NDUFS1: variants seen among roughly 807,000 people sequenced by gnomAD.
NDUFS1 encodes NADH-ubiquinone oxidoreductase 75 kDa subunit, mitochondrial.
A neutral mutation model predicts 84.4 loss-of-function variants in NDUFS1; 61 were observed. That is an observed-to-expected ratio of 0.72 (90% CI 0.59 to 0.89). NDUFS1 has a LOEUF of 0.89. Ranked by LOEUF, NDUFS1 falls within the 40% of genes least tolerant of loss-of-function variation. The pLI is 0.00. For synonymous variants in NDUFS1, 275 were observed against 290.0 expected (o/e 0.95, Z 0.53); for missense variants, 891 against 890.0 (o/e 1.00, Z -0.01).
rs1417574179 is a variant in NDUFS1 at position 206,115,034 on chromosome 2, C to T, written c.*9151G>A. The stretch of plus-strand genomic sequence containing the variant: ...TACAAAAAAATTTTTCAGCAGTTCC[C>T]TATTGATGGATATTTACATATTTTT... On this transcript the variant is annotated 3_prime_UTR_variant, in exon 19 of 19. Coordinates refer to ENST00000233190, the MANE Select transcript of NDUFS1 (RefSeq NM_005006.7). The T allele has an allele frequency of 6.6e-6, 1 of 152,170 alleles. No homozygotes were observed. The highest frequency in any genetic ancestry group is 1.5e-5 in the Non-Finnish European group (1 of 68,032). 9.4% of individuals were successfully genotyped at this position (152,170 alleles called of 1,614,324 possible).
At chr2:206,129,390 G>A (rs1333740476) in intron 15 of NDUFS1, among the ~76,000 whole-genome samples, 1 of 151,988 alleles carries the variant, frequency 6.6e-6, no homozygotes, top group Admixed American at 6.6e-5. Context: ...AGCCTCCTAA[G>A]TAGCTGGGAT....
Position 206,147,535 on chromosome 2 carries a change from T to G in NDUFS1, c.547A>C (p.Ile183Leu). The change falls in exon 7 of 19, where the codon ATC (isoleucine) becomes CTC (leucine). Residue 183 changes from isoleucine (I) to leucine (L), a missense_variant. Coordinates refer to ENST00000233190, the MANE Select transcript of NDUFS1 (RefSeq NM_005006.7). ...AAAAAAAGGAAAAAAAGTTACCTGA[T>G]GCAGCGAGTACACTGTATACATCTT... ...MTRCIQCTRC[I>L]RFASEIAGVD... 6.2e-7 allele frequency: 1 copy of G among 1,613,628 alleles called. No individual in the cohort carries two copies. Among genetic ancestry groups the G allele is most frequent in the Non-Finnish European group, 8.5e-7 (1 of 1,179,856 alleles).
chr2:206,124,809 A>G (rs927851373), intron 18 of NDUFS1, among the ~76,000 whole-genome samples: 1 of 152,182 alleles, frequency 6.6e-6, no homozygotes, highest in African/African-American at 2.4e-5. Context: ...ACTGCAATCT[A>G]GCCTGGGCGA....
chr2:206,158,722 C>A (rs1190180795), intron 1 of NDUFS1, among the ~76,000 whole-genome samples: 1 of 152,198 alleles, frequency 6.6e-6, no homozygotes, highest in Non-Finnish European at 1.5e-5. Flanking sequence ...GATCCAAGAC[C>A]TTACAGTTCA....
At chr2:206,152,586 T>TA in intron 2 of NDUFS1, 76 bp from the exon 3 acceptor site, 1 of 1,291,836 alleles carries the variant, frequency 7.7e-7, no homozygotes, top group South Asian at 1.2e-5. Flanking sequence ...GAATTGACTC[T>TA]AACTACAAAC....
At chr2:206,139,220 C>G (rs1410338670) in intron 12 of NDUFS1, among the ~76,000 whole-genome samples, 1 of 152,038 alleles carries the variant, frequency 6.6e-6, no homozygotes, top group Non-Finnish European at 1.5e-5. Flanking sequence ...GAGTCTCACT[C>G]TGTCACCCAG....
chr2:206,144,804 T>C, intron 9 of NDUFS1, 88 bp downstream of exon 9: 1 of 1,384,398 alleles, frequency 7.2e-7, no homozygotes, highest in Non-Finnish European at 1.0e-6. Flanking sequence ...GTAACTAATT[T>C]GCAAATATAA....
intron 14 of NDUFS1, among the ~76,000 whole-genome samples, chr2:206,131,393 T>C (rs977177786): frequency 2.0e-5 from 3 of 152,310 alleles, no homozygotes; most frequent in African/African-American, 7.2e-5. Context: ...TTACAAACAA[T>C]TTCTAGAAAA....
Position 206,126,761 on chromosome 2 carries a change from A to G in NDUFS1, c.1968T>C (p.Tyr656=), listed in dbSNP as rs1050360341. The G allele has an allele frequency of 2.5e-6, 4 of 1,614,058 alleles. No homozygotes were observed. Among genetic ancestry groups the G allele is most frequent in the East Asian group, 4.5e-5 (2 of 44,888 alleles). ...AGTAATTAGCCCCTTCAATATCATC[A>G]TATCGAACAAGATTAGGAGAGACTT... The part of the protein sequence containing the change: ...LEEVSPNLVR[Y]DDIEGANYFQ... Residue 656 remains tyrosine (Y), a synonymous_variant, in exon 17 of 19, where the codon TAT becomes TAC. Coordinates refer to ENST00000233190, the MANE Select transcript of NDUFS1 (RefSeq NM_005006.7).
At position 206,116,515 on chromosome 2, in the gene NDUFS1, G is replaced by T; in HGVS notation, c.*7670C>A. On this transcript the variant is annotated 3_prime_UTR_variant, in exon 19 of 19. Transcript: ENST00000233190. ...CGCAGCGCCATGTTCCCAGGGGTGC[G>T]GGGATGGCAGCGCTACGCCTCAGCC... 1.7e-6 allele frequency: 2 copies of T among 1,159,580 alleles called. No homozygotes were observed. Among genetic ancestry groups the T allele is most frequent in the Non-Finnish European group, 2.5e-6 (2 of 810,174 alleles). The allele number at this position is 1,159,580 out of a possible 1,614,324, so 71.8% of individuals were successfully genotyped here.
rs545206153 is a variant in NDUFS1 at position 206,115,391 on chromosome 2, A to G, written c.*8794T>C. 5 of 160,282 alleles carry G rather than the reference A, an allele frequency of 3.1e-5. No homozygotes were observed. In the Admixed American group the frequency reaches 3.2e-4, roughly 10 times the overall value. 9.9% of individuals were successfully genotyped at this position (160,282 alleles called of 1,614,324 possible). On this transcript the variant is annotated 3_prime_UTR_variant, in exon 19 of 19. Coordinates refer to ENST00000233190, the MANE Select transcript of NDUFS1 (RefSeq NM_005006.7). ...ATTAGGTCACAAGGACTCTGGCCTCATATTTGATTGATGCCATTATAAAAA... is the reference window on the plus strand; with the variant it reads ...ATTAGGTCACAAGGACTCTGGCCTCGTATTTGATTGATGCCATTATAAAAA...
At chr2:206,142,435 A>T (rs970850589) in intron 11 of NDUFS1, among the ~76,000 whole-genome samples, 4 of 152,196 alleles carry the variant, frequency 2.6e-5, no homozygotes, top group African/African-American at 7.2e-5. Context: ...GGCTGGTCTC[A>T]AACTCCTGCA....
chr2:206,124,326 G>C, intron 18 of NDUFS1, 50 bp from the exon 19 acceptor site: 2 of 1,406,376 alleles, frequency 1.4e-6, no homozygotes, highest in Non-Finnish European at 2.0e-6. Flanking sequence ...TTTTTAAAAA[G>C]CACATACTAA....
chr2:206,155,496 C>A (rs1173474242), intron 1 of NDUFS1, among the ~76,000 whole-genome samples: 1 of 152,016 alleles, frequency 6.6e-6, no homozygotes, highest in African/African-American at 2.4e-5. Flanking sequence ...AAGATCTCGG[C>A]TCACTGCAAC....
chr2:206,130,215 G>A lies in NDUFS1; in HGVS notation c.1581C>T (p.Asp527=), dbSNP rs781179848. Residue 527 remains aspartate, a synonymous_variant, in exon 15 of 19, where the codon GAC becomes GAT. Transcript: ENST00000233190. ...CTTCCACCCCAGGCTTATAGCCAAGGTCCAAAGCAGCTACTTGACTTGCAA... is the reference window on the plus strand; with the variant it reads ...CTTCCACCCCAGGCTTATAGCCAAGATCCAAAGCAGCTACTTGACTTGCAA... The part of the protein sequence containing the change: ...HRIASQVAAL[D]LGYKPGVEAI... 2 of 1,614,138 alleles carry A rather than the reference G, an allele frequency of 1.2e-6. No individual in the cohort carries two copies. Among genetic ancestry groups the A allele is most frequent in the East Asian group, 2.2e-5 (1 of 44,886 alleles).
intron 13 of NDUFS1, among the ~76,000 whole-genome samples, chr2:206,135,207 T>C (rs1220148861): frequency 6.6e-6 from 1 of 151,788 alleles, no homozygotes; most frequent in Non-Finnish European, 1.5e-5. Flanking sequence ...TTGTATTTTT[T>C]AGTAGAGATA....
chr2:206,135,646 A>G (rs927283338), intron 13 of NDUFS1, among the ~76,000 whole-genome samples: 1 of 151,870 alleles, frequency 6.6e-6, no homozygotes, highest in African/African-American at 2.4e-5. Flanking sequence ...ACTGCACTCC[A>G]GCCTGGGGAC....
chr2:206,159,361 G>A lies in NDUFS1; in HGVS notation c.-25C>T. 1.7e-6 allele frequency: 1 copy of A among 595,858 alleles called. No individual in the cohort carries two copies. The allele number at this position is 595,858 out of a possible 1,614,324, so 36.9% of individuals were successfully genotyped here. ...CTCACCTTCTCCCCGGAGCCGCGGA[G>A]GCTGTTCTGCTAAACTGTCTGGACC... On this transcript the variant is annotated 5_prime_UTR_variant, in exon 1 of 19. Transcript: ENST00000233190.
intron 18 of NDUFS1, among the ~76,000 whole-genome samples, chr2:206,125,917 G>C (rs1258768748): frequency 1.3e-5 from 2 of 151,916 alleles, no homozygotes; most frequent in Non-Finnish European, 2.9e-5. Context: ...TTTGAGCATA[G>C]GTATTATTTT....
Sources: gnomAD v4.1 joint callset for allele counts (sites outside exome capture counted in the v4.1 genomes callset) on GRCh38, gnomAD v4.1.1 for gene constraint, MANE v1.5 for transcripts, NCBI Gene and HGNC (gene_info 2026-07-23, HGNC 2026-07-21) for gene names.